The following ME3 variants were observed in gnomAD, a reference collection of about 807,000 sequenced individuals.
ME3 encodes the protein NADP-dependent malic enzyme, mitochondrial.
Under a neutral mutation model 68.9 loss-of-function variants are expected in ME3, and 48 were observed. The observed-to-expected ratio is 0.70, with a 90% CI of 0.55 to 0.89. The LOEUF (loss-of-function observed/expected upper bound fraction) is 0.89. Among genes scored for constraint, ME3 ranks in the 40% least tolerant of loss-of-function variants. ME3 has a pLI of 0.00. For missense variants in ME3, 675 were observed against 797.4 expected (o/e 0.85, Z 1.85); for synonymous variants, 320 against 318.8 (o/e 1.00, Z -0.04).
intron 2 of ME3, among the ~76,000 whole-genome samples, chr11:86,611,896 C>T (rs1410399319): frequency 1.3e-5 from 2 of 151,746 alleles, no homozygotes; most frequent in South Asian, 4.2e-4. Context: ...GCATTATGTG[C>T]CTAGTTCTAT....
intron 7 of ME3, among the ~76,000 whole-genome samples, chr11:86,482,924 G>A (rs1459230829): frequency 1.3e-5 from 2 of 152,122 alleles, no homozygotes; most frequent in Non-Finnish European, 2.9e-5. Context: ...CAGCTTCCAA[G>A]AATCAAGAGC....
intron 4 of ME3, among the ~76,000 whole-genome samples, chr11:86,540,914 T>C (rs1175120041): frequency 6.6e-6 from 1 of 152,116 alleles, no homozygotes; most frequent in African/African-American, 2.4e-5. Flanking sequence ...AGGTGGGTGA[T>C]TTCTGCATTT....
intron 4 of ME3, among the ~76,000 whole-genome samples, chr11:86,523,847 C>G (rs371746959): frequency 6.6e-6 from 1 of 152,270 alleles, no homozygotes; most frequent in South Asian, 2.1e-4. Context: ...ATTGACACCT[C>G]TGTCCAAATA....
chr11:86,528,733 G>A (rs944686402), intron 4 of ME3, among the ~76,000 whole-genome samples: 38 of 151,768 alleles, frequency 2.5e-4, no homozygotes, highest in African/African-American at 9.0e-4. Context: ...CATGGAAACT[G>A]AACAAACTGC....
At chr11:86,656,272 T>A (rs1388826631) in intron 2 of ME3, among the ~76,000 whole-genome samples, 1 of 151,972 alleles carries the variant, frequency 6.6e-6, no homozygotes, top group Non-Finnish European at 1.5e-5. Flanking sequence ...AGATTATAAA[T>A]CATGCTGCTA....
intron 2 of ME3, among the ~76,000 whole-genome samples, chr11:86,602,797 A>T (rs1382992473): frequency 6.6e-6 from 1 of 152,216 alleles, no homozygotes; most frequent in African/African-American, 2.4e-5. Context: ...ATAACGCCAC[A>T]TATCTACAAC....
chr11:86,589,535 G>A lies in ME3; in HGVS notation c.184-29712C>T, dbSNP rs368878356. On this transcript the variant is annotated intron_variant, in intron 2 of 14. Coordinates refer to ENST00000543262, the Ensembl canonical transcript of ME3. ...GTGGGAAAAGGCATGTCAGGAAACA[G>A]AGGCCTGTCTTACTTCCCCAACTGT... is the stretch of plus-strand genomic sequence containing the variant. Among the ~76,000 whole-genome samples the A allele has an allele frequency of 2.2e-4, 34 of 152,312 alleles. No individual in the cohort carries two copies. In the East Asian group the frequency reaches 4.2e-3, roughly 19 times the overall value.
chr11:86,442,811 T>G lies in ME3; in HGVS notation c.1653+10A>C. 1 of 1,598,928 alleles carries G rather than the reference T, an allele frequency of 6.3e-7. No homozygotes were observed. Among genetic ancestry groups the G allele is most frequent in the Non-Finnish European group, 8.6e-7 (1 of 1,166,528 alleles). ...CACTACCCATATTACAGGGGTAGGA[T>G]GCCCCTTACTTTGATGGCAATTCTC... On this transcript the variant is annotated intron_variant, in intron 14 of 14. Transcript: ENST00000543262.
intron 4 of ME3, among the ~76,000 whole-genome samples, chr11:86,537,802 T>C (rs943966285): frequency 4.6e-5 from 7 of 152,186 alleles, no homozygotes; most frequent in Admixed American, 3.9e-4. Flanking sequence ...CTGTATTGGC[T>C]AGAGTGCTCC....
intron 2 of ME3, among the ~76,000 whole-genome samples, chr11:86,612,031 A>G (rs1942618945): frequency 6.6e-6 from 1 of 152,066 alleles, no homozygotes; most frequent in East Asian, 1.9e-4. Flanking sequence ...GGTTTGCTGC[A>G]CCTATTGACC....
chr11:86,614,970 G>A (rs1192748527), intron 2 of ME3, among the ~76,000 whole-genome samples: 1 of 152,116 alleles, frequency 6.6e-6, no homozygotes, highest in African/African-American at 2.4e-5. Context: ...GCCATGAGAC[G>A]ACTTTTAGGG....
At chr11:86,656,743 TATA>T (rs1421192040) in intron 2 of ME3, among the ~76,000 whole-genome samples, 1 of 151,322 alleles carries the variant, frequency 6.6e-6, no homozygotes, top group Admixed American at 6.6e-5. Context: ...AAACTTAAAG[TATA>T]ATAATAAAAA....
chr11:86,610,146 G>A (rs1942456533), intron 2 of ME3, among the ~76,000 whole-genome samples: 1 of 151,988 alleles, frequency 6.6e-6, no homozygotes, highest in African/African-American at 2.4e-5. Context: ...AACATGCAAG[G>A]GAATCATTAA....
At chr11:86,631,786 G>A (rs1416559880) in intron 2 of ME3, among the ~76,000 whole-genome samples, 2 of 152,332 alleles carry the variant, frequency 1.3e-5, no homozygotes, top group East Asian at 1.9e-4. Flanking sequence ...AGGCTGGAGT[G>A]TAGTGGCACA....
At chr11:86,613,681 A>T (rs926442160) in intron 2 of ME3, among the ~76,000 whole-genome samples, 1 of 152,190 alleles carries the variant, frequency 6.6e-6, no homozygotes, top group Non-Finnish European at 1.5e-5. Flanking sequence ...AACAATAGAC[A>T]GCAGAGAGCC....
chr11:86,656,931 C>T (rs1945927954), intron 2 of ME3, among the ~76,000 whole-genome samples: 1 of 151,512 alleles, frequency 6.6e-6, no homozygotes, highest in African/African-American at 2.4e-5. Flanking sequence ...TCATCCCATG[C>T]CAGTTAGAAT....
chr11:86,469,339 C>T (rs565930181), intron 7 of ME3, among the ~76,000 whole-genome samples: 2 of 152,264 alleles, frequency 1.3e-5, no homozygotes, highest in South Asian at 4.2e-4. Context: ...TCTGTGAGAG[C>T]AACATGTGAG....
intron 8 of ME3, among the ~76,000 whole-genome samples, chr11:86,455,185 T>G (rs183247256): frequency 6.6e-6 from 1 of 151,026 alleles, no homozygotes; most frequent in Admixed American, 6.6e-5. Context: ...GTGTGCACCC[T>G]CTGAGGGCCT....
chr11:86,658,943 A>C (rs1289278600), intron 2 of ME3, among the ~76,000 whole-genome samples: 1 of 152,248 alleles, frequency 6.6e-6, no homozygotes, highest in Non-Finnish European at 1.5e-5. Flanking sequence ...CTGCATTGCT[A>C]TTCACTGTCC....
Sources: allele counts gnomAD v4.1 joint callset (sites outside exome capture counted in the v4.1 genomes callset), GRCh38; gene constraint gnomAD v4.1.1; transcripts MANE v1.5; gene names NCBI Gene and HGNC (gene_info 2026-07-23, HGNC 2026-07-21).